ZBTB46: variants seen among roughly 807,000 people sequenced by gnomAD.
ZBTB46 encodes the protein zinc finger and BTB domain-containing protein 46.
A neutral mutation model predicts 44.1 loss-of-function variants in ZBTB46; 8 were observed. The ratio of observed to expected loss-of-function variants is 0.18; its 90% CI spans 0.11 to 0.33. The LOEUF is 0.33. ZBTB46 is among the 10% of genes least tolerant of loss of function. ZBTB46 has a pLI of 1.00. For missense variants in ZBTB46, 651 were observed against 847.7 expected, an observed-to-expected ratio of 0.77 and a Z score of 2.88; for synonymous variants, 409 against 382.3, an observed-to-expected ratio of 1.07 and a Z score of -0.81.
intron 1 of ZBTB46, among the ~76,000 whole-genome samples, chr20:63,814,427 AATAAT>A (rs1357801376): frequency 2.0e-5 from 3 of 152,198 alleles, no homozygotes; most frequent in African/African-American, 7.2e-5. Flanking sequence ...GTTTTAAAAT[AATAAT>A]ATAACTTTTA....
At chr20:63,779,236 A>T (rs201770319) in intron 2 of ZBTB46, among the ~76,000 whole-genome samples, 82,359 of 151,046 alleles carry the variant, frequency 0.55, 22,598 homozygotes, top group South Asian at 0.62. Context: ...TTAATTAATT[A>T]ATTAATTTAT....
intron 1 of ZBTB46, among the ~76,000 whole-genome samples, chr20:63,813,705 G>A (rs1158660059): frequency 6.6e-6 from 1 of 152,114 alleles, no homozygotes; most frequent in East Asian, 1.9e-4. Context: ...ATGAAACAGA[G>A]AGAAGAAACG....
rs1334842702 is a variant in ZBTB46, at chr20:63,831,158, TCGCCGC to T, written c.-101_-96del. On this transcript the variant is annotated 5_prime_UTR_variant, in exon 1 of 5. Transcript: ENST00000245663. ...GCGGCCGCCGGGCCGGCGCCGGTGATCGCCGCCGCCGCCGGGAGGGCGCTGCGTCCG... is the reference window on the plus strand; with the variant it reads ...GCGGCCGCCGGGCCGGCGCCGGTGATCGCCGCCGGGAGGGCGCTGCGTCCG... 1.5e-5 allele frequency: 2 copies of T among 137,922 alleles called. No homozygotes were observed. Among genetic ancestry groups the T allele is most frequent in the South Asian group, 4.6e-4 (2 of 4,304 alleles). The allele number at this position is 137,922 out of a possible 1,614,324, so 8.5% of individuals were successfully genotyped here. A position where few individuals can be genotyped will look rare whatever the true frequency, so the allele number is the denominator to read the frequency against.
chr20:63,805,442 G>A (rs1321654905), intron 1 of ZBTB46, among the ~76,000 whole-genome samples: 1 of 152,074 alleles, frequency 6.6e-6, no homozygotes, highest in Non-Finnish European at 1.5e-5. Flanking sequence ...TCTAGCTGGA[G>A]TGACAGAGCA....
chr20:63,756,881 C>T (rs545234604), intron 3 of ZBTB46, among the ~76,000 whole-genome samples: 27 of 152,368 alleles, frequency 1.8e-4, no homozygotes, highest in African/African-American at 6.0e-4. Flanking sequence ...CACTAAGCCA[C>T]ATGTCCATCC....
chr20:63,816,120 A>C (rs1027544608), intron 1 of ZBTB46, among the ~76,000 whole-genome samples: 1 of 148,496 alleles, frequency 6.7e-6, no homozygotes, highest in Admixed American at 6.7e-5. Flanking sequence ...CAGTGGGCGC[A>C]GGTGGGCGCA....
chr20:63,773,230 CTTTTT>C (rs745777313), intron 3 of ZBTB46, among the ~76,000 whole-genome samples: 1 of 134,016 alleles, frequency 7.5e-6, no homozygotes. Context: ...AGTCCAATGG[CTTTTT>C]TTTTTTTTTT....
chr20:63,794,081 G>A (rs940302721), intron 1 of ZBTB46, among the ~76,000 whole-genome samples: 4 of 151,862 alleles, frequency 2.6e-5, no homozygotes, highest in Non-Finnish European at 4.4e-5. Flanking sequence ...AGCTACTCAG[G>A]AGGCTGAGGC....
chr20:63,832,083 C>A (rs181085219), upstream of ZBTB46, among the ~76,000 whole-genome samples: 2,215 of 152,142 alleles, frequency 0.015, 59 homozygotes, highest in African/African-American at 0.05. The surrounding 1 kb of genome is among the most constrained non-coding windows in gnomAD (Gnocchi z 5.0). Context: ...GTCGTGTTGT[C>A]TGCGGGGGAC....
rs1381771133 is a variant in ZBTB46, at chr20:63,752,427, G to A, written c.1398+259C>T. Among the ~76,000 whole-genome samples, 1 of 152,046 alleles carries A rather than the reference G, an allele frequency of 6.6e-6. No homozygotes were observed. Among genetic ancestry groups the A allele is most frequent in the Non-Finnish European group, 1.5e-5 (1 of 67,992 alleles). ...AAGCAGAGCGAGCTGAGTTTGCCGA[G>A]GCCTGGCTGCCTTGGCGGCCAGCAG... On this transcript the variant is annotated intron_variant, in intron 4 of 4. Coordinates refer to ENST00000245663, the MANE Select transcript of ZBTB46 (RefSeq NM_001369741.1). This position sits in a 1 kb window ranked among gnomAD's most constrained non-coding sequence, Gnocchi z 5.6.
chr20:63,772,859 T>C (rs1489323174), intron 3 of ZBTB46, among the ~76,000 whole-genome samples: 12 of 151,980 alleles, frequency 7.9e-5, no homozygotes, highest in Admixed American at 7.9e-4. Flanking sequence ...GGAGAGGCCC[T>C]GGGAAAAAGC....
In ZBTB46 at chr20:63,767,640, C is replaced by G. The variant is rs183303696; in HGVS notation, c.1222+8038G>C. Among the ~76,000 whole-genome samples, 1 of 152,238 alleles carries G rather than the reference C, an allele frequency of 6.6e-6. No homozygotes were observed. Among genetic ancestry groups the G allele is most frequent in the African/African-American group, 2.4e-5 (1 of 41,464 alleles). The stretch of plus-strand genomic sequence containing the variant: ...CAAAGCAAACGCCGGCTCCAGCGCA[C>G]AGACCAGAGGCACCCGCAGTTCTGT... On this transcript the variant is annotated intron_variant, in intron 3 of 4. Coordinates refer to ENST00000245663, the MANE Select transcript of ZBTB46 (RefSeq NM_001369741.1). This position sits in a 1 kb window ranked among gnomAD's most constrained non-coding sequence, Gnocchi z 5.0.
chr20:63,765,252 G>A (rs1164446699), intron 3 of ZBTB46, among the ~76,000 whole-genome samples: 1 of 152,078 alleles, frequency 6.6e-6, no homozygotes. Context: ...TGCCCCGAAG[G>A]ACAATCTCTA....
chr20:63,761,920 G>A (rs2092281347), intron 3 of ZBTB46, among the ~76,000 whole-genome samples: 1 of 152,066 alleles, frequency 6.6e-6, no homozygotes, highest in African/African-American at 2.4e-5. Flanking sequence ...ATTCCAGTTT[G>A]CTAAGGTCAG....
intron 4 of ZBTB46, among the ~76,000 whole-genome samples, chr20:63,751,913 ACT>A (rs2092171146): frequency 6.6e-6 from 1 of 151,234 alleles, no homozygotes; most frequent in Non-Finnish European, 1.5e-5. Context: ...GAACCTGCTG[ACT>A]CTCCTGCGAT....
chr20:63,761,403 A>G (rs1214052121), intron 3 of ZBTB46, among the ~76,000 whole-genome samples: 13 of 152,188 alleles, frequency 8.5e-5, no homozygotes, highest in Admixed American at 7.9e-4. Context: ...GTCCTAATAT[A>G]TAACTAGAGC....
At chr20:63,785,828 G>A (rs6122179) in intron 2 of ZBTB46, among the ~76,000 whole-genome samples, 82,020 of 151,972 alleles carry the variant, frequency 0.54, 22,367 homozygotes, top group South Asian at 0.62. Flanking sequence ...TTAGCAACTC[G>A]GAATAATCTA....
chr20:63,824,722 GCACCCCCA>G (rs2092811156), intron 1 of ZBTB46, among the ~76,000 whole-genome samples: 2 of 54,104 alleles, frequency 3.7e-5, no homozygotes, highest in African/African-American at 7.4e-5. Context: ...TCCCATCACT[GCACCCCCA>G]TCTCACCGTC....
At chr20:63,760,260 G>A (rs6122029) in intron 3 of ZBTB46, among the ~76,000 whole-genome samples, 77,907 of 151,974 alleles carry the variant, frequency 0.51, 20,938 homozygotes, top group African/African-American at 0.65. Context: ...TTTCTCTGTG[G>A]GAAGGCTTTA....
Sources: allele counts gnomAD v4.1 joint callset (sites outside exome capture counted in the v4.1 genomes callset), GRCh38; gene constraint gnomAD v4.1.1; non-coding constraint Gnocchi (gnomAD v3.1); transcripts MANE v1.5; gene names NCBI Gene and HGNC (gene_info 2026-07-23, HGNC 2026-07-21).